Variants in PDE10A observed in about 807,000 individuals in gnomAD.
PDE10A encodes phosphodiesterase 10A.
In PDE10A, 39 loss-of-function variants were observed where a neutral mutation model predicts 97.7. The ratio of observed to expected loss-of-function variants is 0.40; its 90% CI spans 0.31 to 0.52. PDE10A has a LOEUF of 0.52. PDE10A is among the 20% of genes least tolerant of loss of function. The probability of loss-of-function intolerance (pLI) is 0.56; values close to 1 mark genes in which losing one functional copy is unlikely to be tolerated. For missense variants in PDE10A, 731 were observed against 1,047.8 expected, an observed-to-expected ratio of 0.70 and a Z score of 4.17; for synonymous variants, 371 against 376.8, an observed-to-expected ratio of 0.98 and a Z score of 0.18.
chr6:165,835,075 C>T (rs1780031337), intron 1 of PDE10A, among the ~76,000 whole-genome samples: 2 of 152,096 alleles, frequency 1.3e-5, no homozygotes, highest in African/African-American at 4.8e-5. Flanking sequence ...GGAGGCAGTG[C>T]ACAGAGGGCA....
At chr6:165,424,802 A>G (rs1352972684) in intron 10 of PDE10A, among the ~76,000 whole-genome samples, 1 of 152,222 alleles carries the variant, frequency 6.6e-6, no homozygotes, top group East Asian at 1.9e-4. Flanking sequence ...ATTGAGTAAT[A>G]ATACAATTGT....
intron 1 of PDE10A, among the ~76,000 whole-genome samples, chr6:165,544,973 C>T (rs944829039): frequency 1.3e-4 from 20 of 151,916 alleles, no homozygotes; most frequent in African/African-American, 4.8e-4. Flanking sequence ...ATAATTGGCT[C>T]AATAAAGTAA....
At chr6:165,863,415 A>G (rs1468622233) in intron 1 of PDE10A, among the ~76,000 whole-genome samples, 6 of 152,202 alleles carry the variant, frequency 3.9e-5, no homozygotes, top group African/African-American at 1.4e-4. Context: ...TCATCACTAG[A>G]AAGAAGCATT....
chr6:165,474,990 A>C (rs1397599818), intron 3 of PDE10A, among the ~76,000 whole-genome samples: 3 of 152,142 alleles, frequency 2.0e-5, no homozygotes, highest in Non-Finnish European at 1.5e-5. Context: ...TAAGCTCTAC[A>C]CATGCACCCG....
At chr6:165,560,914 G>C (rs1049168431) in intron 1 of PDE10A, among the ~76,000 whole-genome samples, 17 of 152,020 alleles carry the variant, frequency 1.1e-4, no homozygotes, top group African/African-American at 3.9e-4. Context: ...CATGAGATCT[G>C]GTTGTTTAAA....
At chr6:165,681,353 T>A (rs1223975899) in intron 1 of PDE10A, among the ~76,000 whole-genome samples, 21 of 152,158 alleles carry the variant, frequency 1.4e-4, no homozygotes, top group Non-Finnish European at 1.0e-4. Context: ...AAATTACTCT[T>A]TTTAGGCATC....
chr6:165,829,639 C>A (rs1342961174), intron 1 of PDE10A, among the ~76,000 whole-genome samples: 2 of 152,334 alleles, frequency 1.3e-5, no homozygotes, highest in East Asian at 3.9e-4. Flanking sequence ...TCCATCCCAG[C>A]AAAAGTGATC....
intron 1 of PDE10A, among the ~76,000 whole-genome samples, chr6:165,594,157 G>C (rs1203792331): frequency 6.6e-6 from 1 of 152,188 alleles, no homozygotes; most frequent in Admixed American, 6.5e-5. Context: ...AGCACATCTA[G>C]TGCTCAGGTC....
rs1219896063 is a variant in PDE10A at position 165,943,312 on chromosome 6, AAGGAAG to A, written c.-615+44211_-615+44216del. Among the ~76,000 whole-genome samples the A allele has an allele frequency of 1.1e-3, 91 of 83,422 alleles. 9 individuals are homozygous for A. The highest frequency in any genetic ancestry group is 4.5e-3 in the African/African-American group (89 of 19,936). 54.7% of individuals were successfully genotyped at this position (83,422 alleles called of 152,430 possible). On this transcript the variant is annotated intron_variant, in intron 1 of 19. Transcript: ENST00000366882. ...GAAAGAAGGAAAGAAAGAAAGAAGGAAGGAAGGAAAGAAAGAAAAAGAAAGAAAGAA... is the reference window on the plus strand; with the variant it reads ...GAAAGAAGGAAAGAAAGAAAGAAGGAGAAAGAAAGAAAAAGAAAGAAAGAA...
At chr6:165,858,933 T>C (rs79082502) in intron 1 of PDE10A, among the ~76,000 whole-genome samples, 6,409 of 152,316 alleles carry the variant, frequency 0.042, 163 homozygotes, top group Middle Eastern at 0.078. Context: ...AGTACAGTGA[T>C]GTTTAAACAT....
At chr6:165,599,365 T>C (rs1355194388) in intron 1 of PDE10A, among the ~76,000 whole-genome samples, 2 of 152,204 alleles carry the variant, frequency 1.3e-5, no homozygotes, top group African/African-American at 2.4e-5. Flanking sequence ...CTTTCTCTGT[T>C]GCACAAAGGC....
chr6:165,461,261 T>C (rs1000807674), intron 3 of PDE10A, among the ~76,000 whole-genome samples: 1 of 152,176 alleles, frequency 6.6e-6, no homozygotes, highest in African/African-American at 2.4e-5. Flanking sequence ...CTTTAATAAT[T>C]AGTCATAGAT....
chr6:165,883,551 A>T (rs1316910287), intron 1 of PDE10A, among the ~76,000 whole-genome samples: 18 of 64,452 alleles, frequency 2.8e-4, no homozygotes, highest in African/African-American at 1.0e-3. Flanking sequence ...AAAAAAAAAA[A>T]AATAAATAAA....
chr6:165,823,767 T>C (rs559963040), intron 1 of PDE10A, among the ~76,000 whole-genome samples: 1 of 152,066 alleles, frequency 6.6e-6, no homozygotes, highest in South Asian at 2.1e-4. Context: ...TACATCGCAC[T>C]GTGACGTTAA....
chr6:165,972,334 C>T (rs1428428724), intron 1 of PDE10A, among the ~76,000 whole-genome samples: 12 of 151,926 alleles, frequency 7.9e-5, no homozygotes, highest in Admixed American at 6.6e-5. Context: ...GCCCCTGGGT[C>T]CTCCACACTC....
At chr6:165,949,856 C>T (rs777731684) in intron 1 of PDE10A, 7 of 152,040 alleles carry the variant, frequency 4.6e-5, no homozygotes. Flanking sequence ...CTGTAGTTAT[C>T]GCATGAGTTT....
intron 2 of PDE10A, among the ~76,000 whole-genome samples, chr6:165,516,349 T>C (rs1157924217): frequency 1.3e-5 from 2 of 152,218 alleles, no homozygotes; most frequent in African/African-American, 4.8e-5. Flanking sequence ...TAAAAGATTA[T>C]GTACATGCTT....
chr6:165,535,843 T>C (rs1018890766), intron 2 of PDE10A, among the ~76,000 whole-genome samples: 2 of 151,824 alleles, frequency 1.3e-5, no homozygotes, highest in Non-Finnish European at 3.0e-5. Context: ...AAATATGGAA[T>C]TATGTTCATG....
chr6:165,490,586 T>C (rs1175057709), intron 2 of PDE10A, among the ~76,000 whole-genome samples: 1 of 152,064 alleles, frequency 6.6e-6, no homozygotes, highest in African/African-American at 2.4e-5. Flanking sequence ...GCGAATACAA[T>C]AGTACCTCAT....
Sources: allele counts gnomAD v4.1 joint callset (sites outside exome capture counted in the v4.1 genomes callset), GRCh38; gene constraint gnomAD v4.1.1; transcripts MANE v1.5; gene names NCBI Gene and HGNC (gene_info 2026-07-23, HGNC 2026-07-21).